The following ARHGEF11 variants were observed in gnomAD, a reference collection of about 807,000 sequenced individuals.
ARHGEF11 encodes the protein Rho guanine nucleotide exchange factor 11, also known as Rho guanine exchange factor (GEF) 11.
ARHGEF11 carries 55 observed loss-of-function variants against 193.7 expected under a neutral mutation model. The ratio of observed to expected loss-of-function variants is 0.28; its 90% CI spans 0.23 to 0.36. The LOEUF is 0.36. Ranked by LOEUF, ARHGEF11 falls within the 10% of genes least tolerant of loss-of-function variation. The pLI is 1.00. For synonymous variants in ARHGEF11, 693 were observed against 768.0 expected (o/e 0.90, Z 1.62); for missense variants, 1,723 against 2,005.6 (o/e 0.86, Z 2.69).
Position 156,948,030 on chromosome 1 carries a change from G to T in ARHGEF11, c.2154-74C>A. The T allele has an allele frequency of 6.4e-7, 1 of 1,565,278 alleles. No individual in the cohort carries two copies. Among genetic ancestry groups the T allele is most frequent in the Non-Finnish European group, 8.7e-7 (1 of 1,149,734 alleles). On this transcript the variant is annotated intron_variant, in intron 24 of 40. Transcript: ENST00000368194. The surrounding 1 kb of genome is among the most constrained non-coding windows in gnomAD (Gnocchi z 4.2). ...CAGAGGGTTTGGCCCTCCCTCTCCT[G>T]CCCGACCTGCTTGCCCCATGCACAT... is the stretch of plus-strand genomic sequence containing the variant.
intron 7 of ARHGEF11, among the ~76,000 whole-genome samples, chr1:156,972,875 A>G (rs747222434): frequency 2.0e-5 from 3 of 152,142 alleles, no homozygotes; most frequent in Non-Finnish European, 4.4e-5. Flanking sequence ...CACTGTTCAC[A>G]TATCTTCAAA....
rs1660157545 is a variant in ARHGEF11, at chr1:156,957,642, A to C, written c.1526+150T>G. The C allele has an allele frequency of 1.5e-5, 12 of 812,052 alleles. No homozygotes were observed. In the East Asian group the frequency reaches 2.7e-4, roughly 18 times the overall value. The allele number at this position is 812,052 out of a possible 1,614,324, so 50.3% of individuals were successfully genotyped here. ...ACCCCTATGTTATGGTCATACAGAC[A>C]CCTGAGTGCTAGACTTTCAGGAACC... is the stretch of plus-strand genomic sequence containing the variant. On this transcript the variant is annotated intron_variant, in intron 18 of 40. Transcript: ENST00000368194.
chr1:157,031,823 T>A (rs958148618), intron 1 of ARHGEF11, among the ~76,000 whole-genome samples: 12 of 152,124 alleles, frequency 7.9e-5, no homozygotes, highest in Non-Finnish European at 2.9e-5. Context: ...AACCGATCAC[T>A]CTGTGGAAGC....
rs1173112188 is a variant in ARHGEF11, at chr1:156,968,080, G to C, written c.870C>G (p.Asp290Glu). The change falls in exon 11 of 41, where the codon GAC (aspartate) becomes GAG (glutamate). Residue 290 changes from aspartate to glutamate, a missense_variant. Transcript: ENST00000368194. ...TGATCACAGGGGAGGTTCGAGGACT[G>C]TCTAGCCCAGGGTCTGACAGTACCG... ...RNSVLSDPGL[D>E]SPRTSPVIMA... is the part of the protein sequence containing the mutation. 6.2e-7 allele frequency: 1 copy of C among 1,614,052 alleles called. No individual in the cohort carries two copies. The highest frequency in any genetic ancestry group is 1.3e-5 in the African/African-American group (1 of 74,940).
At chr1:157,039,563 G>A (rs1339027445) in intron 1 of ARHGEF11, among the ~76,000 whole-genome samples, 1 of 152,106 alleles carries the variant, frequency 6.6e-6, no homozygotes, top group African/African-American at 2.4e-5. Flanking sequence ...TACCCCATGG[G>A]GCAAAGGAGT....
At chr1:157,036,597 C>T (rs1672080670) in intron 1 of ARHGEF11, among the ~76,000 whole-genome samples, 1 of 152,112 alleles carries the variant, frequency 6.6e-6, no homozygotes, top group Non-Finnish European at 1.5e-5. Flanking sequence ...GCTGGGATTA[C>T]AGGCGTGAGC....
intron 1 of ARHGEF11, among the ~76,000 whole-genome samples, chr1:157,016,619 G>A (rs1360793986): frequency 2.0e-5 from 3 of 152,132 alleles, no homozygotes; most frequent in African/African-American, 7.2e-5. Flanking sequence ...GTATTTTTAA[G>A]CGTTTTCATC....
intron 1 of ARHGEF11, among the ~76,000 whole-genome samples, chr1:157,028,457 T>C (rs1384671498): frequency 6.6e-6 from 1 of 152,116 alleles, no homozygotes; most frequent in East Asian, 1.9e-4. Flanking sequence ...GAAACCTAGG[T>C]TGATTCAACA....
chr1:156,940,109 A>G (rs1656488235), intron 36 of ARHGEF11, 98 bp downstream of exon 36: 2 of 1,437,452 alleles, frequency 1.4e-6, no homozygotes, highest in Admixed American at 4.7e-5. Context: ...CACACCAGGA[A>G]GAGCCTTCGG....
At chr1:156,945,229 C>T (rs368448825) in intron 29 of ARHGEF11, 32 bp from the exon 30 acceptor site, 2 of 1,600,638 alleles carry the variant, frequency 1.2e-6, no homozygotes, top group Admixed American at 3.4e-5. Context: ...ATGGTTGGGG[C>T]TCCTGCCTGA....
At chr1:157,029,027 C>T (rs1165609845) in intron 1 of ARHGEF11, among the ~76,000 whole-genome samples, 1 of 151,826 alleles carries the variant, frequency 6.6e-6, no homozygotes, top group Non-Finnish European at 1.5e-5. Context: ...ACTAGCCAGG[C>T]GTGGTGGCAT....
At chr1:156,941,761 C>G (rs1657007689) in intron 34 of ARHGEF11, 103 bp downstream of exon 34, 2 of 1,477,160 alleles carry the variant, frequency 1.4e-6, no homozygotes, top group Admixed American at 2.2e-5. Flanking sequence ...TAGCATTTCC[C>G]TGTTGTGGCT....
intron 1 of ARHGEF11, among the ~76,000 whole-genome samples, chr1:157,009,573 T>C (rs1406489091): frequency 6.6e-6 from 1 of 152,202 alleles, no homozygotes; most frequent in Non-Finnish European, 1.5e-5. Context: ...CTAAGGTTGG[T>C]GGTACTGAGC....
chr1:156,998,566 G>T (rs1666841913), intron 1 of ARHGEF11, among the ~76,000 whole-genome samples: 1 of 152,154 alleles, frequency 6.6e-6, no homozygotes, highest in East Asian at 1.9e-4. Flanking sequence ...TTGGTGTAAT[G>T]TAAGTACAGT....
rs1336032877 is a variant in ARHGEF11 at position 156,978,066 on chromosome 1, C to G, written c.510+138G>C. 6 of 1,357,024 alleles carry G rather than the reference C, an allele frequency of 4.4e-6. No individual in the cohort carries two copies. In the African/African-American group the frequency reaches 7.4e-5, roughly 17 times the overall value. 84.1% of individuals were successfully genotyped at this position (1,357,024 alleles called of 1,614,324 possible). A position where few individuals can be genotyped will look rare whatever the true frequency, so the allele number is the denominator to read the frequency against. ...GTGCAGCCTTCATTTTTGTTCAACTCTTTCAATGGTCTTTCATATGTCTTT... is the reference window on the plus strand; with the variant it reads ...GTGCAGCCTTCATTTTTGTTCAACTGTTTCAATGGTCTTTCATATGTCTTT... On this transcript the variant is annotated intron_variant, in intron 6 of 40. Transcript: ENST00000368194.
chr1:157,009,332 C>G (rs1043627327), intron 1 of ARHGEF11, among the ~76,000 whole-genome samples: 3 of 152,168 alleles, frequency 2.0e-5, no homozygotes, highest in Non-Finnish European at 2.9e-5. Context: ...TTTACTGGTA[C>G]AGAGAAATGC....
chr1:157,003,542 T>C (rs549167978), intron 1 of ARHGEF11, among the ~76,000 whole-genome samples: 1 of 152,366 alleles, frequency 6.6e-6, no homozygotes, highest in South Asian at 2.1e-4. Context: ...TATGAAAATA[T>C]GTTTCATGAA....
intron 2 of ARHGEF11, among the ~76,000 whole-genome samples, chr1:156,985,210 G>A (rs1377509793): frequency 6.6e-6 from 1 of 152,042 alleles, no homozygotes; most frequent in Non-Finnish European, 1.5e-5. Context: ...GTAAGCTTGC[G>A]AACTTGGACA....
In ARHGEF11 at chr1:156,946,954, A is replaced by G. The variant is rs1372547551; in HGVS notation, c.2550T>C (p.Ser850=). Residue 850 remains serine, a synonymous_variant, in exon 27 of 41, where the codon AGT becomes AGC. Transcript: ENST00000368194. ...GCCATACCCGGGCCAGCATGAGGTC[A>G]CTGATCTCTTTGATGATGGGGCCTT... The part of the protein sequence containing the change: ...REEGPIIKEI[S]DLMLARFDGP... 1 of 1,613,940 alleles carries G rather than the reference A, an allele frequency of 6.2e-7. No homozygotes were observed. Among genetic ancestry groups the G allele is most frequent in the Admixed American group, 1.7e-5 (1 of 59,998 alleles).
Sources: gnomAD v4.1 joint callset for allele counts (sites outside exome capture counted in the v4.1 genomes callset) on GRCh38, gnomAD v4.1.1 for gene constraint, Gnocchi (gnomAD v3.1) non-coding constraint, MANE v1.5 for transcripts, NCBI Gene and HGNC (gene_info 2026-07-23, HGNC 2026-07-21) for gene names.